The following DPP10 variants were observed in gnomAD, a reference collection of about 807,000 sequenced individuals.
DPP10 encodes the protein dipeptidyl peptidase like 10.
A neutral mutation model predicts 120.9 loss-of-function variants in DPP10; 33 were observed. That is an observed-to-expected ratio of 0.27 (90% CI 0.21 to 0.37). The LOEUF (loss-of-function observed/expected upper bound fraction) is 0.37, where lower values mean the gene tolerates loss of function less well. Ranked by LOEUF, DPP10 falls within the 10% of genes least tolerant of loss-of-function variation. DPP10 has a pLI of 1.00. For synonymous variants in DPP10, 337 were observed against 326.1 expected (o/e 1.03, Z -0.36); for missense variants, 816 against 942.8 (o/e 0.87, Z 1.76).
At chr2:114,763,962 A>T (rs72959542) in intron 1 of DPP10, among the ~76,000 whole-genome samples, 3,305 of 152,248 alleles carry the variant, frequency 0.022, 122 homozygotes, top group African/African-American at 0.076. Flanking sequence ...TCTTTCCTTT[A>T]TATTATCTCC....
chr2:115,374,806 C>A (rs2065667341), intron 3 of DPP10, among the ~76,000 whole-genome samples: 1 of 152,164 alleles, frequency 6.6e-6, no homozygotes, highest in African/African-American at 2.4e-5. Context: ...ACATTGGTTT[C>A]TTTTAGCTAT....
intron 1 of DPP10, among the ~76,000 whole-genome samples, chr2:114,603,204 A>G (rs1032128103): frequency 3.3e-5 from 5 of 152,088 alleles, no homozygotes. Flanking sequence ...TCTATATTAC[A>G]TACTTAACAT....
At chr2:114,481,591 G>A (rs557787863) in intron 1 of DPP10, among the ~76,000 whole-genome samples, 1 of 151,962 alleles carries the variant, frequency 6.6e-6, no homozygotes, top group South Asian at 2.1e-4. Flanking sequence ...AAATAATTGT[G>A]GTATAAACTT....
At chr2:115,107,450 T>G (rs1010597277) in intron 1 of DPP10, among the ~76,000 whole-genome samples, 2 of 122,144 alleles carry the variant, frequency 1.6e-5, no homozygotes, top group African/African-American at 7.2e-5. Context: ...TTTTTTTTTT[T>G]GGTGCTAGCC....
intron 1 of DPP10, among the ~76,000 whole-genome samples, chr2:114,536,411 T>TC (rs1482427314): frequency 2.0e-5 from 3 of 147,422 alleles, no homozygotes; most frequent in African/African-American, 7.5e-5. Context: ...TCTTTTTCTT[T>TC]TTTTTTTTTT....
At chr2:115,176,750 G>T (rs1257139500) in intron 1 of DPP10, among the ~76,000 whole-genome samples, 1 of 152,168 alleles carries the variant, frequency 6.6e-6, no homozygotes. Flanking sequence ...GTTCAGAGAG[G>T]GAACCTCTTT....
At chr2:115,275,701 C>CTTTTTT (rs72078308) in intron 1 of DPP10, among the ~76,000 whole-genome samples, 62 of 131,840 alleles carry the variant, frequency 4.7e-4, no homozygotes, top group South Asian at 7.0e-4. Context: ...CTTTTCTTTT[C>CTTTTTT]TTTTTTTTTT....
At chr2:115,719,605 C>T (rs1320717132) in intron 7 of DPP10, among the ~76,000 whole-genome samples, 1 of 152,084 alleles carries the variant, frequency 6.6e-6, no homozygotes, top group Non-Finnish European at 1.5e-5. Context: ...ACTGGACACA[C>T]AGAATTTATT....
intron 1 of DPP10, among the ~76,000 whole-genome samples, chr2:115,300,551 A>G (rs931420946): frequency 6.6e-6 from 1 of 152,084 alleles, no homozygotes; most frequent in Admixed American, 6.6e-5. Context: ...ACAGAGGTGT[A>G]CAAATATCTG....
chr2:114,565,592 G>A (rs1689133546), intron 1 of DPP10, among the ~76,000 whole-genome samples: 1 of 152,232 alleles, frequency 6.6e-6, no homozygotes, highest in Non-Finnish European at 1.5e-5. Context: ...CCTTGGAGGA[G>A]TGAAAACAGA....
intron 7 of DPP10, 76 bp downstream of exon 7, chr2:115,689,997 A>G: frequency 7.0e-7 from 1 of 1,436,348 alleles, no homozygotes; most frequent in Non-Finnish European, 9.5e-7. Context: ...AACTTTGGAA[A>G]AACCATAGGA....
intron 1 of DPP10, chr2:115,064,494 A>T: frequency 3.4e-6 from 1 of 296,384 alleles, no homozygotes; most frequent in Non-Finnish European, 6.5e-6. Flanking sequence ...AGGATAATTT[A>T]TCTACACACA....
At chr2:115,257,863 T>C (rs925855210) in intron 1 of DPP10, among the ~76,000 whole-genome samples, 5 of 152,180 alleles carry the variant, frequency 3.3e-5, no homozygotes, top group Non-Finnish European at 1.5e-5. Flanking sequence ...TTCAAGTCAG[T>C]AATGTCAACA....
chr2:114,913,513 TC>T (rs1694540396), intron 1 of DPP10, among the ~76,000 whole-genome samples: 1 of 152,020 alleles, frequency 6.6e-6, no homozygotes, highest in Non-Finnish European at 1.5e-5. Flanking sequence ...CGTGAAATCA[TC>T]CAGAAATAAA....
intron 1 of DPP10, among the ~76,000 whole-genome samples, chr2:114,509,522 C>A (rs990014745): frequency 6.6e-6 from 1 of 152,160 alleles, no homozygotes; most frequent in Non-Finnish European, 1.5e-5. Context: ...TGCTTTTCCC[C>A]AAGGTCTCTG....
At chr2:115,164,957 A>G (rs919706683) in intron 1 of DPP10, among the ~76,000 whole-genome samples, 2 of 152,220 alleles carry the variant, frequency 1.3e-5, no homozygotes, top group Non-Finnish European at 1.5e-5. Flanking sequence ...TTCTTTGATT[A>G]CAAAATATTT....
intron 5 of DPP10, among the ~76,000 whole-genome samples, chr2:115,535,405 C>G (rs1431187313): frequency 6.6e-6 from 1 of 152,076 alleles, no homozygotes; most frequent in Non-Finnish European, 1.5e-5. Context: ...TCAGATTTCT[C>G]AAAGATCAGA....
chr2:115,576,862 C>G (rs780675260), intron 5 of DPP10, among the ~76,000 whole-genome samples: 9 of 152,196 alleles, frequency 5.9e-5, no homozygotes, highest in Admixed American at 2.0e-4. Flanking sequence ...ACAGAGTAAT[C>G]TCTCATGCAT....
intron 19 of DPP10, among the ~76,000 whole-genome samples, chr2:115,795,955 G>T (rs181163312): frequency 1.6e-4 from 25 of 152,010 alleles, no homozygotes; most frequent in Admixed American, 5.9e-4. Flanking sequence ...CTGCTGCTAG[G>T]TTGAACTTGG....
Sources: allele counts gnomAD v4.1 joint callset (sites outside exome capture counted in the v4.1 genomes callset), GRCh38; gene constraint gnomAD v4.1.1; transcripts MANE v1.5; gene names NCBI Gene and HGNC (gene_info 2026-07-23, HGNC 2026-07-21).